The following DYNC2LI1 variants were observed in gnomAD, a reference collection of about 807,000 sequenced individuals.
The protein encoded by DYNC2LI1 is cytoplasmic dynein 2 light intermediate chain 1.
A neutral mutation model predicts 51.9 loss-of-function variants in DYNC2LI1; 45 were observed. The observed-to-expected ratio is 0.87, with a 90% CI of 0.68 to 1.11. DYNC2LI1 has a LOEUF of 1.11. Among genes scored for constraint, DYNC2LI1 ranks in the 50% most tolerant of loss-of-function variants. The pLI is 0.00. For synonymous variants in DYNC2LI1, 130 were observed against 137.8 expected, an observed-to-expected ratio of 0.94 and a Z score of 0.40; for missense variants, 490 against 417.4, an observed-to-expected ratio of 1.17 and a Z score of -1.51.
At chr2:43,813,862 G>C (rs1666645881), downstream of DYNC2LI1, among the ~76,000 whole-genome samples, 1 of 151,516 alleles carries the variant, frequency 6.6e-6, no homozygotes, top group Non-Finnish European at 1.5e-5. Context: ...GGATTTACAG[G>C]CACGCACCAC....
At chr2:43,799,125 C>G (rs911848480) in intron 8 of DYNC2LI1, among the ~76,000 whole-genome samples, 3 of 152,100 alleles carry the variant, frequency 2.0e-5, no homozygotes, top group African/African-American at 7.2e-5. Context: ...CAAAATGAGA[C>G]CTTGTCTTGA....
the DYNC2LI1 span, among the ~76,000 whole-genome samples, chr2:43,815,773 A>G: frequency 6.6e-6 from 1 of 152,194 alleles, no homozygotes; most frequent in African/African-American, 2.4e-5. Context: ...AGCAACAGCC[A>G]TTTCAGGGCC....
chr2:43,794,684 C>T (rs1448027513), intron 6 of DYNC2LI1, 41 bp downstream of exon 6: 1 of 1,613,710 alleles, frequency 6.2e-7, no homozygotes, highest in Non-Finnish European at 8.5e-7. Flanking sequence ...TCCTTAGTCC[C>T]ATTTATAGTT....
chr2:43,811,647 T>A (rs951469376), downstream of DYNC2LI1, among the ~76,000 whole-genome samples: 3 of 151,332 alleles, frequency 2.0e-5, no homozygotes, highest in Non-Finnish European at 4.4e-5. Context: ...CAGGCTGGAG[T>A]GCAGTGGTGC....
At chr2:43,788,951 C>G (rs1673649824) in intron 4 of DYNC2LI1, among the ~76,000 whole-genome samples, 1 of 152,166 alleles carries the variant, frequency 6.6e-6, no homozygotes, top group Admixed American at 6.5e-5. Flanking sequence ...GATCTTATTT[C>G]TGAACTTCTT....
the DYNC2LI1 span, among the ~76,000 whole-genome samples, chr2:43,825,901 C>T: frequency 6.6e-6 from 1 of 152,148 alleles, no homozygotes; most frequent in Non-Finnish European, 1.5e-5. Context: ...ATGGTAGGTG[C>T]TGAAAGAAGT....
the DYNC2LI1 span, among the ~76,000 whole-genome samples, chr2:43,819,357 A>G: frequency 6.6e-6 from 1 of 152,198 alleles, no homozygotes. Context: ...AGAAATATGA[A>G]GAAAAAAATT....
chr2:43,776,431 G>A (rs1221516471), intron 1 of DYNC2LI1, among the ~76,000 whole-genome samples: 1 of 152,120 alleles, frequency 6.6e-6, no homozygotes, highest in Non-Finnish European at 1.5e-5. Flanking sequence ...AATGTTTGTG[G>A]TTTTCAAGTT....
intron 1 of DYNC2LI1, among the ~76,000 whole-genome samples, chr2:43,776,408 C>G (rs985935744): frequency 2.0e-5 from 3 of 152,186 alleles, no homozygotes; most frequent in Non-Finnish European, 4.4e-5. Flanking sequence ...TTCCCATCTT[C>G]CTAGGTGACT....
intron 6 of DYNC2LI1, 189 bp downstream of exon 6, chr2:43,794,832 T>C (rs1324521267): frequency 6.9e-7 from 1 of 1,447,944 alleles, no homozygotes; most frequent in Non-Finnish European, 9.1e-7. Context: ...AGAAGATTCC[T>C]TATATCTTCT....
chr2:43,824,824 G>A, the DYNC2LI1 span: 1 of 1,598,072 alleles, frequency 6.3e-7, no homozygotes, highest in Non-Finnish European at 8.6e-7. Flanking sequence ...TGTCATCCAG[G>A]CAGAAGTCTG....
chr2:43,820,442 T>A, the DYNC2LI1 span, among the ~76,000 whole-genome samples: 1 of 152,174 alleles, frequency 6.6e-6, no homozygotes, highest in East Asian at 1.9e-4. Flanking sequence ...AATAACCATG[T>A]TCTGCCTAGC....
chr2:43,822,525 C>T, the DYNC2LI1 span: 3 of 980,318 alleles, frequency 3.1e-6, 1 homozygote, highest in African/African-American at 5.3e-5. Context: ...GTCCTCTCTT[C>T]TCTGGCCCAG....
chr2:43,797,529 T>C (rs1031664926), intron 8 of DYNC2LI1, among the ~76,000 whole-genome samples: 5 of 146,638 alleles, frequency 3.4e-5, no homozygotes, highest in Admixed American at 3.4e-4. Context: ...TTTTTTTTTT[T>C]TTTTTTTTTT....
chr2:43,796,909 G>A lies in DYNC2LI1; in HGVS notation c.654+114G>A, dbSNP rs545776061. 5.4e-5 allele frequency: 42 copies of A among 779,730 alleles called. 1 individual carries two copies. Among genetic ancestry groups the A allele is most frequent in the South Asian group, 4.9e-4 (30 of 61,300 alleles). The allele number at this position is 779,730 out of a possible 1,614,324, so 48.3% of individuals were successfully genotyped here. On this transcript the variant is annotated intron_variant, in intron 8 of 12. Coordinates refer to ENST00000260605, the MANE Select transcript of DYNC2LI1 (RefSeq NM_016008.4). The stretch of plus-strand genomic sequence containing the variant: ...TGCTTTTGCTAATGCACATGGTCCC[G>A]TTGCTTTCCCACTGCTGAAGACCTC...
rs535825665 is a variant in DYNC2LI1 at position 43,794,882 on chromosome 2, A to G, written c.507+239A>G. On this transcript the variant is annotated intron_variant, in intron 6 of 12. Transcript: ENST00000260605. ...TGTGATTGTTATGGCATATTACACCAATCAGAGAAATAGAGTTTTAAAGTA... is the reference window on the plus strand; with the variant it reads ...TGTGATTGTTATGGCATATTACACCGATCAGAGAAATAGAGTTTTAAAGTA... 3.6e-5 allele frequency: 50 copies of G among 1,396,248 alleles called. 1 individual carries two copies. In the South Asian group the frequency reaches 8.0e-4, roughly 22 times the overall value. The allele number at this position is 1,396,248 out of a possible 1,614,324, so 86.5% of individuals were successfully genotyped here.
the DYNC2LI1 span, among the ~76,000 whole-genome samples, chr2:43,821,280 G>C: frequency 6.6e-6 from 1 of 152,180 alleles, no homozygotes; most frequent in Non-Finnish European, 1.5e-5. Context: ...ATCTGGACCA[G>C]AGTCATTCTT....
downstream of DYNC2LI1, chr2:43,813,202 A>C: frequency 6.2e-7 from 1 of 1,605,636 alleles, no homozygotes; most frequent in South Asian, 1.1e-5. Context: ...AAAATCAGAA[A>C]GTTCATTGTG....
chr2:43,794,419 T>A, intron 5 of DYNC2LI1, 38 bp from the exon 6 acceptor site: 1 of 1,562,386 alleles, frequency 6.4e-7, no homozygotes, highest in Non-Finnish European at 8.7e-7. Context: ...ATGGTAATTA[T>A]TTTGAGTCTT....
Sources: gnomAD v4.1 joint callset for allele counts (sites outside exome capture counted in the v4.1 genomes callset) on GRCh38, gnomAD v4.1.1 for gene constraint, MANE v1.5 for transcripts, NCBI Gene and HGNC (gene_info 2026-07-23, HGNC 2026-07-21) for gene names.